The following NOS1AP variants were observed in gnomAD, a reference collection of about 807,000 sequenced individuals.
NOS1AP encodes nitric oxide synthase 1 adaptor protein.
In NOS1AP, 21 loss-of-function variants were observed where a neutral mutation model predicts 56.2. The observed-to-expected ratio is 0.37, with a 90% CI of 0.26 to 0.54. The LOEUF (loss-of-function observed/expected upper bound fraction) is 0.54. Ranked by LOEUF, NOS1AP falls within the 20% of genes least tolerant of loss-of-function variation. NOS1AP has a pLI of 0.84. For missense variants in NOS1AP, 522 were observed against 657.8 expected (o/e 0.79, Z 2.26); for synonymous variants, 270 against 274.6 (o/e 0.98, Z 0.17).
At chr1:162,081,709 G>A (rs1691888603) in intron 1 of NOS1AP, among the ~76,000 whole-genome samples, 1 of 142,436 alleles carries the variant, frequency 7.0e-6, no homozygotes, top group South Asian at 2.2e-4. Context: ...CACCATGCCT[G>A]GCTAAGTTTC....
rs535612330 is a variant in NOS1AP, at chr1:162,161,607, C to T, written c.177+7131C>T. 9.2e-4 allele frequency among the ~76,000 whole-genome samples: 139 copies of T among 150,394 alleles called. 1 individual carries two copies. Among genetic ancestry groups the T allele is most frequent in the African/African-American group, 3.3e-3 (134 of 41,004 alleles). ...TAGTTCTTTGCCTCCTTTTTTTTTTCCCTGAGATGGGCTCTTGCTCTGTCA... is the reference window on the plus strand; with the variant it reads ...TAGTTCTTTGCCTCCTTTTTTTTTTTCCTGAGATGGGCTCTTGCTCTGTCA... On this transcript the variant is annotated intron_variant, in intron 2 of 9. Transcript: ENST00000361897.
chr1:162,300,458 G>T (rs1358666632), intron 3 of NOS1AP, among the ~76,000 whole-genome samples, 175 bp from the exon 4 acceptor site: 1 of 152,154 alleles, frequency 6.6e-6, no homozygotes, highest in African/African-American at 2.4e-5. Flanking sequence ...GGAGGAAACT[G>T]ATCAGACTAG....
At chr1:162,307,529 C>T (rs572048967) in intron 4 of NOS1AP, among the ~76,000 whole-genome samples, 1 of 152,296 alleles carries the variant, frequency 6.6e-6, no homozygotes, top group African/African-American at 2.4e-5. Context: ...CTAGGCCAGA[C>T]GCGGTGGCTC....
intron 1 of NOS1AP, among the ~76,000 whole-genome samples, chr1:162,082,409 T>A (rs1370567096): frequency 2.0e-5 from 3 of 152,208 alleles, no homozygotes; most frequent in Non-Finnish European, 4.4e-5. Context: ...TACACATGCA[T>A]GTGTCTTTAT....
chr1:162,283,032 G>A (rs1571188398), intron 2 of NOS1AP, among the ~76,000 whole-genome samples: 2 of 152,132 alleles, frequency 1.3e-5, no homozygotes, highest in South Asian at 2.1e-4. Context: ...TCTGGCCAAG[G>A]TGACTGAAGA....
intron 2 of NOS1AP, among the ~76,000 whole-genome samples, chr1:162,284,160 A>C (rs1345192042): frequency 6.6e-6 from 1 of 152,194 alleles, no homozygotes; most frequent in Non-Finnish European, 1.5e-5. Context: ...TCCTCTGTCC[A>C]AATTCATTTT....
At chr1:162,241,712 A>T (rs1364060078) in intron 2 of NOS1AP, among the ~76,000 whole-genome samples, 1 of 152,108 alleles carries the variant, frequency 6.6e-6, no homozygotes, top group Non-Finnish European at 1.5e-5. Context: ...CCTCTACGGG[A>T]AGAACTCAAG....
intron 1 of NOS1AP, among the ~76,000 whole-genome samples, chr1:162,140,617 T>C (rs1314320735): frequency 2.6e-5 from 4 of 152,240 alleles, no homozygotes; most frequent in African/African-American, 9.6e-5. Context: ...TATCAGTGCA[T>C]ATATCTTTTT....
rs1445610920 is a variant in NOS1AP, at chr1:162,368,973, G to C, written c.*1506G>C. On this transcript the variant is annotated 3_prime_UTR_variant, in exon 10 of 10. Coordinates refer to ENST00000361897, the MANE Select transcript of NOS1AP (RefSeq NM_014697.3). ...TCTAATGGCCACAGTTGGTTTTCTT[G>C]TAGCCCAGAAAGTCCAAATTAAAGG... 1.3e-5 allele frequency: 2 copies of C among 152,164 alleles called. No individual in the cohort carries two copies. The allele number at this position is 152,164 out of a possible 1,614,324, so 9.4% of individuals were successfully genotyped here.
In NOS1AP at chr1:162,300,622, T is replaced by C. The variant is rs749272266; in HGVS notation, c.271-11T>C. The C allele has an allele frequency of 6.2e-7, 1 of 1,612,532 alleles. No homozygotes were observed. The highest frequency in any genetic ancestry group is 8.5e-7 in the Non-Finnish European group (1 of 1,178,568). The stretch of plus-strand genomic sequence containing the variant: ...TGTAACTGAGGACAAGCCTAACTTA[T>C]TCATTTACAGCTTCTTTTATTGCAG... On this transcript the variant is annotated splice_polypyrimidine_tract_variant and intron_variant, in intron 3 of 9. Transcript: ENST00000361897.
chr1:162,194,768 A>G (rs1345869446), intron 2 of NOS1AP, among the ~76,000 whole-genome samples: 5 of 152,168 alleles, frequency 3.3e-5, no homozygotes, highest in Non-Finnish European at 7.3e-5. Flanking sequence ...AGAGACACAG[A>G]AGGGGAGGCA....
intron 8 of NOS1AP, chr1:162,363,775 G>C: frequency 3.0e-6 from 3 of 985,188 alleles, no homozygotes; most frequent in East Asian, 1.1e-4. Flanking sequence ...TATCACACCT[G>C]TTCTCACCCC....
intron 1 of NOS1AP, among the ~76,000 whole-genome samples, chr1:162,081,016 A>G (rs1243259232): frequency 1.3e-5 from 2 of 152,170 alleles, no homozygotes; most frequent in Non-Finnish European, 2.9e-5. Flanking sequence ...AAACACAGGT[A>G]GTGTGGCTCA....
chr1:162,330,420 G>C (rs1011648394), intron 4 of NOS1AP, among the ~76,000 whole-genome samples: 2 of 152,166 alleles, frequency 1.3e-5, no homozygotes, highest in African/African-American at 4.8e-5. Flanking sequence ...TGAGCCCCAG[G>C]GTATTCAGCA....
At chr1:162,251,602 ATGTGTGTGTG>A (rs35955567) in intron 2 of NOS1AP, among the ~76,000 whole-genome samples, 1 of 146,192 alleles carries the variant, frequency 6.8e-6, no homozygotes, top group African/African-American at 2.5e-5. Flanking sequence ...AAATATATAT[ATGTGTGTGTG>A]TGTGTGTGTG....
intron 3 of NOS1AP, among the ~76,000 whole-genome samples, chr1:162,289,911 G>A (rs1655233296): frequency 6.6e-6 from 1 of 152,188 alleles, no homozygotes; most frequent in African/African-American, 2.4e-5. Flanking sequence ...GCACAGTCTT[G>A]TTTCTCACCT....
rs188528478 is a variant in NOS1AP at position 162,200,513 on chromosome 1, G to T, written c.177+46037G>T. Reference sequence around the variant, plus strand: ...CCTGTATATTTTGTGAGACCCTGGGGCCTGGCATTAGGGAGCGGAGAGGAT... The same window carrying T: ...CCTGTATATTTTGTGAGACCCTGGGTCCTGGCATTAGGGAGCGGAGAGGAT... On this transcript the variant is annotated intron_variant, in intron 2 of 9. Coordinates refer to ENST00000361897, the MANE Select transcript of NOS1AP (RefSeq NM_014697.3). 7.9e-5 allele frequency among the ~76,000 whole-genome samples: 12 copies of T among 152,324 alleles called. No homozygotes were observed. In the East Asian group the frequency reaches 2.3e-3, roughly 29 times the overall value.
intron 1 of NOS1AP, among the ~76,000 whole-genome samples, chr1:162,102,496 G>A (rs758048074): frequency 6.6e-6 from 1 of 152,128 alleles, no homozygotes; most frequent in African/African-American, 2.4e-5. Context: ...CTTTTCAATT[G>A]TTTGGAATAG....
chr1:162,168,894 G>A (rs1401895314), intron 2 of NOS1AP, among the ~76,000 whole-genome samples: 2 of 152,218 alleles, frequency 1.3e-5, no homozygotes, highest in African/African-American at 4.8e-5. Context: ...AGTGAAGTCT[G>A]GCTTGGTTCA....
Sources: gnomAD v4.1 joint callset for allele counts (sites outside exome capture counted in the v4.1 genomes callset) on GRCh38, gnomAD v4.1.1 for gene constraint, MANE v1.5 for transcripts, NCBI Gene and HGNC (gene_info 2026-07-23, HGNC 2026-07-21) for gene names.